Variants in CCNH observed in about 807,000 individuals in gnomAD.
CCNH encodes cyclin H.
In CCNH, 31 loss-of-function variants were observed where a neutral mutation model predicts 41.9. That is an observed-to-expected ratio of 0.74 (90% CI 0.56 to 1.00). CCNH has a LOEUF of 1.00. Among genes scored for constraint, CCNH ranks in the 50% least tolerant of loss-of-function variants. The probability of loss-of-function intolerance (pLI) is 0.00; values close to 1 mark genes in which losing one functional copy is unlikely to be tolerated. For synonymous variants in CCNH, 138 were observed against 136.1 expected, an observed-to-expected ratio of 1.01 and a Z score of -0.10; for missense variants, 362 against 388.4, an observed-to-expected ratio of 0.93 and a Z score of 0.57.
downstream of CCNH, chr5:87,391,192 C>A: frequency 2.1e-6 from 1 of 476,940 alleles, no homozygotes; most frequent in African/African-American, 1.9e-5. Context: ...CTCGAACTTT[C>A]AAAATATATT....
At chr5:87,347,065 C>T (rs1474890266) in intron 9 of CCNH, among the ~76,000 whole-genome samples, 1 of 151,876 alleles carries the variant, frequency 6.6e-6, no homozygotes, top group Non-Finnish European at 1.5e-5. Flanking sequence ...ATGCAACACA[C>T]TTTTTTCATG....
At chr5:87,368,188 T>C (rs1406405420) in intron 9 of CCNH, among the ~76,000 whole-genome samples, 1 of 152,148 alleles carries the variant, frequency 6.6e-6, no homozygotes, top group East Asian at 1.9e-4. Context: ...TCCTTTTTCC[T>C]CTGTACCAAC....
chr5:87,399,368 T>C, intron 7 of CCNH, 26 bp downstream of exon 7: 2 of 1,490,142 alleles, frequency 1.3e-6, no homozygotes, highest in Non-Finnish European at 1.9e-6. Flanking sequence ...TTATGTCTAT[T>C]GATTAACACT....
chr5:87,381,820 G>C (rs570547128), upstream of CCNH, among the ~76,000 whole-genome samples: 1 of 152,288 alleles, frequency 6.6e-6, no homozygotes, highest in African/African-American at 2.4e-5. Context: ...ACTGTTTCGT[G>C]CAAGAGGGTG....
intron 9 of CCNH, among the ~76,000 whole-genome samples, chr5:87,346,146 C>G (rs1435376953): frequency 6.6e-6 from 1 of 152,020 alleles, no homozygotes; most frequent in African/African-American, 2.4e-5. Context: ...GTTGAGAACA[C>G]TAAGTCCTTC....
chr5:87,394,441 A>T lies in CCNH; in HGVS notation c.*5T>A. The T allele has an allele frequency of 1.2e-6, 2 of 1,612,514 alleles. No individual in the cohort carries two copies. Reference sequence around the variant, plus strand: ...AGTTAGCATTGAGAAATCAACTTCAAATGGTTAGAGAGATTCTACCAGGTC... The same window carrying T: ...AGTTAGCATTGAGAAATCAACTTCATATGGTTAGAGAGATTCTACCAGGTC... On this transcript the variant is annotated 3_prime_UTR_variant, in exon 9 of 9. Transcript: ENST00000256897.
intron 9 of CCNH, among the ~76,000 whole-genome samples, chr5:87,334,903 A>AG (rs1182723038): frequency 6.6e-6 from 1 of 150,794 alleles, no homozygotes; most frequent in Non-Finnish European, 1.5e-5. Flanking sequence ...TTTTTTTTTG[A>AG]GACAGAATCT....
At chr5:87,343,798 G>A (rs539227427) in intron 9 of CCNH, among the ~76,000 whole-genome samples, 1 of 152,244 alleles carries the variant, frequency 6.6e-6, no homozygotes, top group African/African-American at 2.4e-5. Flanking sequence ...CACAATAGCC[G>A]AGATGTTTAA....
chr5:87,401,626 T>A, intron 6 of CCNH, 76 bp downstream of exon 6: 1 of 886,276 alleles, frequency 1.1e-6, no homozygotes, highest in Non-Finnish European at 1.7e-6. Context: ...TATTTCTAGT[T>A]AAACACCAAG....
downstream of CCNH, chr5:87,374,132 A>AATAT (rs145638178): frequency 1.1e-5 from 13 of 1,211,384 alleles, no homozygotes; most frequent in Admixed American, 3.6e-5. Flanking sequence ...AATCTGGGGT[A>AATAT]ATATATATAT....
At chr5:87,349,378 T>G in intron 9 of CCNH, 2 of 1,610,814 alleles carry the variant, frequency 1.2e-6, no homozygotes, top group Non-Finnish European at 1.7e-6. Flanking sequence ...AATCATAATT[T>G]TTTAGCTATC....
At chr5:87,382,921 A>G (rs921102949) in intron 9 of CCNH, among the ~76,000 whole-genome samples, 4 of 149,736 alleles carry the variant, frequency 2.7e-5, no homozygotes, top group Admixed American at 6.6e-5. Flanking sequence ...GCTTTCTACA[A>G]AAATAATTAA....
chr5:87,349,623 A>G (rs1367058558), intron 9 of CCNH, among the ~76,000 whole-genome samples: 2 of 151,992 alleles, frequency 1.3e-5, no homozygotes, highest in Non-Finnish European at 2.9e-5. Context: ...GTTTGCAACA[A>G]ATTTACTAAA....
At chr5:87,394,675 T>A in intron 8 of CCNH, 191 bp from the exon 9 acceptor site, 1 of 1,388,172 alleles carries the variant, frequency 7.2e-7, no homozygotes, top group Non-Finnish European at 9.3e-7. Context: ...CAGTGAGGAA[T>A]AAAGGTTATG....
At chr5:87,397,689 C>T (rs1215364715) in intron 7 of CCNH, among the ~76,000 whole-genome samples, 1 of 152,118 alleles carries the variant, frequency 6.6e-6, no homozygotes, top group Non-Finnish European at 1.5e-5. Context: ...AGATGGCAAT[C>T]TGGAATACAA....
chr5:87,370,732 C>A (rs1045600954), intron 9 of CCNH, among the ~76,000 whole-genome samples: 1 of 152,072 alleles, frequency 6.6e-6, no homozygotes, highest in African/African-American at 2.4e-5. Flanking sequence ...ACAAATACAG[C>A]TAAATTTCTG....
intron 9 of CCNH, among the ~76,000 whole-genome samples, chr5:87,330,375 C>G (rs1681455876): frequency 6.6e-6 from 1 of 151,946 alleles, no homozygotes; most frequent in Admixed American, 6.6e-5. Context: ...TTTGGTAAAG[C>G]TGAAGTACTA....
chr5:87,374,459 A>ATTT (rs770426797), downstream of CCNH: 385 of 167,768 alleles, frequency 2.3e-3, 6 homozygotes, highest in African/African-American at 0.011. Flanking sequence ...ATATATATAT[A>ATTT]TTTTTTTTTT....
At chr5:87,336,651 A>G (rs890497021) in intron 9 of CCNH, among the ~76,000 whole-genome samples, 8 of 152,138 alleles carry the variant, frequency 5.3e-5, no homozygotes, top group African/African-American at 1.9e-4. Context: ...AGCAACAACA[A>G]TGAAACTTGA....
Sources: allele counts gnomAD v4.1 joint callset (sites outside exome capture counted in the v4.1 genomes callset), GRCh38; gene constraint gnomAD v4.1.1; transcripts MANE v1.5; gene names NCBI Gene and HGNC (gene_info 2026-07-23, HGNC 2026-07-21).